C12orf42: variants seen among roughly 807,000 people sequenced by gnomAD.
C12orf42 encodes the protein chromosome 12 open reading frame 42.
In C12orf42, 25 loss-of-function variants were observed where a neutral mutation model predicts 21.6. The ratio of observed to expected loss-of-function variants is 1.16; its 90% CI spans 0.84 to 1.62. The LOEUF (loss-of-function observed/expected upper bound fraction) is 1.62. Ranked by LOEUF, C12orf42 falls within the 40% of genes most tolerant of loss-of-function variation. C12orf42 has a pLI of 0.00. For synonymous variants in C12orf42, 174 were observed against 175.0 expected (o/e 0.99, Z 0.05); for missense variants, 483 against 459.3 (o/e 1.05, Z -0.47).
intron 4 of C12orf42, among the ~76,000 whole-genome samples, chr12:103,356,523 C>T (rs2043574534): frequency 6.6e-6 from 1 of 151,836 alleles, no homozygotes; most frequent in Admixed American, 6.6e-5. Flanking sequence ...GATTTATAGT[C>T]CTTTGGGTAT....
chr12:103,506,424 A>T, the C12orf42 span, among the ~76,000 whole-genome samples: 2 of 151,672 alleles, frequency 1.3e-5, no homozygotes, highest in Non-Finnish European at 2.9e-5. Flanking sequence ...GTTTTGGTCA[A>T]TATCGGGTTG....
chr12:103,159,042 ATCT>A, the C12orf42 span, among the ~76,000 whole-genome samples: 3 of 152,162 alleles, frequency 2.0e-5, no homozygotes, highest in Admixed American at 6.5e-5. Flanking sequence ...CAAAACATAG[ATCT>A]TCTTTGACTA....
the C12orf42 span, among the ~76,000 whole-genome samples, chr12:103,091,756 G>T: frequency 6.6e-6 from 1 of 152,020 alleles, no homozygotes; most frequent in East Asian, 1.9e-4. Context: ...TTTTAGAAAC[G>T]CATTAAACAA....
intron 1 of C12orf42, among the ~76,000 whole-genome samples, chr12:103,481,828 T>A (rs995008222): frequency 6.6e-6 from 1 of 151,676 alleles, no homozygotes; most frequent in Non-Finnish European, 1.5e-5. Context: ...CCTACACTTT[T>A]AGAATTGACT....
chr12:103,394,546 G>A (rs538634113), intron 3 of C12orf42, among the ~76,000 whole-genome samples: 4 of 152,296 alleles, frequency 2.6e-5, no homozygotes, highest in South Asian at 2.1e-4. Flanking sequence ...TTTAAAATAC[G>A]TGTTTAACTA....
the C12orf42 span, among the ~76,000 whole-genome samples, chr12:103,528,161 A>C: frequency 6.6e-6 from 1 of 152,258 alleles, no homozygotes; most frequent in Non-Finnish European, 1.5e-5. Flanking sequence ...GGAACATTTA[A>C]CAAATGCCAA....
At chr12:103,341,870 T>C (rs1039336701) in intron 4 of C12orf42, among the ~76,000 whole-genome samples, 6 of 152,178 alleles carry the variant, frequency 3.9e-5, no homozygotes, top group East Asian at 1.9e-4. Context: ...GAAATAAACA[T>C]TAAAGACGAA....
At chr12:103,409,495 T>C (rs1283218743) in intron 2 of C12orf42, among the ~76,000 whole-genome samples, 1 of 152,172 alleles carries the variant, frequency 6.6e-6, no homozygotes, top group Non-Finnish European at 1.5e-5. Flanking sequence ...TTTACAATGC[T>C]GCAAGGGGGA....
intron 5 of C12orf42, among the ~76,000 whole-genome samples, chr12:103,276,478 C>T (rs1037418585): frequency 3.9e-5 from 6 of 152,170 alleles, no homozygotes; most frequent in Non-Finnish European, 7.3e-5. Context: ...TCCCATTGTT[C>T]GCAAGTGTGA....
chr12:103,142,927 T>G, the C12orf42 span, among the ~76,000 whole-genome samples: 1 of 152,176 alleles, frequency 6.6e-6, no homozygotes, highest in African/African-American at 2.4e-5. Flanking sequence ...AGAAAACATA[T>G]GCAATTCTAT....
At chr12:103,502,748 G>A in the C12orf42 span, among the ~76,000 whole-genome samples, 1 of 152,090 alleles carries the variant, frequency 6.6e-6, no homozygotes, top group Non-Finnish European at 1.5e-5. Flanking sequence ...CCTGGTAGTG[G>A]GGCCTGCCAA....
the C12orf42 span, among the ~76,000 whole-genome samples, chr12:103,561,770 G>A: frequency 6.6e-6 from 1 of 152,128 alleles, no homozygotes; most frequent in South Asian, 2.1e-4. Context: ...CTGGCTCCTG[G>A]TGTGTCTTTT....
Position 103,420,748 on chromosome 12 carries a change from T to C in C12orf42, c.79-19073A>G, listed in dbSNP as rs575306325. Among the ~76,000 whole-genome samples, 47 of 152,290 alleles carry C rather than the reference T, an allele frequency of 3.1e-4. No homozygotes were observed. The South Asian group carries it at 7.9e-3, about 26-fold the overall frequency. On this transcript the variant is annotated intron_variant, in intron 2 of 5. Coordinates refer to ENST00000548883, the MANE Select transcript of C12orf42 (RefSeq NM_198521.5). ...GTTGGCCAGACTGGTCTCGACTTCC[T>C]GACCTCGTGATCTGCCCGCCTCGGC...
chr12:103,470,487 T>G (rs11830752), intron 2 of C12orf42, among the ~76,000 whole-genome samples: 2,237 of 152,302 alleles, frequency 0.015, 66 homozygotes, highest in African/African-American at 0.051. Flanking sequence ...AACTAAAGAT[T>G]TTGCTTGTTA....
intron 2 of C12orf42, among the ~76,000 whole-genome samples, chr12:103,436,266 A>C (rs1216909342): frequency 6.6e-6 from 1 of 151,926 alleles, no homozygotes; most frequent in African/African-American, 2.4e-5. Flanking sequence ...AAACATGGAA[A>C]GGAACAACCG....
At chr12:103,405,447 G>A (rs1197515486) in intron 2 of C12orf42, among the ~76,000 whole-genome samples, 2 of 152,148 alleles carry the variant, frequency 1.3e-5, no homozygotes, top group East Asian at 3.9e-4. Context: ...CTGGAGAAGG[G>A]GGTCTTCAGA....
chr12:103,498,137 A>G (rs57842798), upstream of C12orf42, among the ~76,000 whole-genome samples: 2,410 of 152,362 alleles, frequency 0.016, 71 homozygotes, highest in African/African-American at 0.051. Context: ...ATGGATGTCA[A>G]CCTTAAAAAG....
the C12orf42 span, among the ~76,000 whole-genome samples, chr12:103,140,258 A>G: frequency 1.9e-4 from 29 of 152,218 alleles, no homozygotes; most frequent in Admixed American, 1.9e-3. Flanking sequence ...TTTTTGAGTC[A>G]TTTCATTGTT....
chr12:103,526,341 A>G, the C12orf42 span, among the ~76,000 whole-genome samples: 9 of 152,228 alleles, frequency 5.9e-5, no homozygotes, highest in African/African-American at 1.9e-4. Flanking sequence ...AATATGCACT[A>G]TGGAAAGCCA....
Sources: gnomAD v4.1 joint callset for allele counts (sites outside exome capture counted in the v4.1 genomes callset) on GRCh38, gnomAD v4.1.1 for gene constraint, MANE v1.5 for transcripts, NCBI Gene and HGNC (gene_info 2026-07-23, HGNC 2026-07-21) for gene names.